The following CCNY variants were observed in gnomAD, a reference collection of about 807,000 sequenced individuals.
The protein encoded by CCNY is cyclin-Y.
A neutral mutation model predicts 42.8 loss-of-function variants in CCNY; 19 were observed. The ratio of observed to expected loss-of-function variants is 0.44; its 90% CI spans 0.31 to 0.65. The LOEUF is 0.65. Among genes scored for constraint, CCNY ranks in the 30% least tolerant of loss-of-function variants. The pLI, the probability that CCNY is intolerant of heterozygous loss-of-function variation, is 0.07. For missense variants in CCNY, 370 were observed against 437.3 expected (o/e 0.85, Z 1.37); for synonymous variants, 165 against 162.7 (o/e 1.01, Z -0.11).
chr10:35,352,790 G>A (rs1836455986), intron 1 of CCNY, among the ~76,000 whole-genome samples: 2 of 152,204 alleles, frequency 1.3e-5, no homozygotes, highest in Admixed American at 6.5e-5. Context: ...TAGCAAATGA[G>A]CGCTGCCTGA....
chr10:35,535,593 A>G (rs1340143558), intron 7 of CCNY, among the ~76,000 whole-genome samples: 1 of 152,140 alleles, frequency 6.6e-6, no homozygotes, highest in African/African-American at 2.4e-5. Flanking sequence ...CTCCTTGTAC[A>G]AGGGCTTTGC....
intron 1 of CCNY, among the ~76,000 whole-genome samples, chr10:35,359,383 T>C (rs113038133): frequency 0.01 from 1,587 of 152,374 alleles, 24 homozygotes; most frequent in African/African-American, 0.036. Flanking sequence ...CACTGGACTG[T>C]GGCAGATACT....
chr10:35,438,030 T>C (rs548168472), intron 1 of CCNY, among the ~76,000 whole-genome samples: 1 of 152,196 alleles, frequency 6.6e-6, no homozygotes, highest in African/African-American at 2.4e-5. Flanking sequence ...TCTTACCAGC[T>C]TCTGTGTGTC....
chr10:35,447,479 A>C (rs1464291601), intron 1 of CCNY, among the ~76,000 whole-genome samples: 2 of 152,178 alleles, frequency 1.3e-5, no homozygotes, highest in African/African-American at 4.8e-5. Context: ...TGGGGTGATT[A>C]TGACCATCAT....
intron 1 of CCNY, among the ~76,000 whole-genome samples, chr10:35,345,202 A>AT (rs1229220288): frequency 2.6e-5 from 4 of 152,192 alleles, no homozygotes; most frequent in African/African-American, 9.7e-5. Context: ...CAGTGTAAAA[A>AT]TGTTCCTATT....
intron 3 of CCNY, among the ~76,000 whole-genome samples, chr10:35,305,736 A>T (rs1658007094): frequency 1.3e-5 from 2 of 152,154 alleles, no homozygotes; most frequent in African/African-American, 2.4e-5. Context: ...GTAGATGTCC[A>T]TTTGGAAAAG....
chr10:35,482,731 C>T (rs925340848), intron 1 of CCNY, among the ~76,000 whole-genome samples: 37 of 142,512 alleles, frequency 2.6e-4, no homozygotes, highest in African/African-American at 9.0e-4. Context: ...TCTGATTTCT[C>T]AAGGGAAGCT....
intron 1 of CCNY, among the ~76,000 whole-genome samples, chr10:35,403,292 G>T (rs1004450511): frequency 1.3e-5 from 2 of 152,196 alleles, no homozygotes; most frequent in African/African-American, 4.8e-5. Context: ...GTTATGAAAT[G>T]ACGACAGAAA....
intron 1 of CCNY, among the ~76,000 whole-genome samples, chr10:35,465,905 A>AAGAGAGAGAGAGAGAGAGAGAG (rs56166429): frequency 1.3e-4 from 13 of 99,216 alleles, no homozygotes; most frequent in East Asian, 3.2e-4. Context: ...GGGTAGGGGG[A>AAGAGAGAGAGAGAGAGAGAGAG]AGAGAGAGAG....
chr10:35,469,833 C>T lies in CCNY; in HGVS notation c.155-13571C>T, dbSNP rs558235009. Among the ~76,000 whole-genome samples, 127 of 133,094 alleles carry T rather than the reference C, an allele frequency of 9.5e-4. 1 individual carries two copies. Among genetic ancestry groups the T allele is most frequent in the African/African-American group, 3.3e-3 (113 of 33,828 alleles). The allele number at this position is 133,094 out of a possible 152,430, so 87.3% of individuals were successfully genotyped here. A position where few individuals can be genotyped will look rare whatever the true frequency, so the allele number is the denominator to read the frequency against. ...ATGGAGAGATAGGGAGATGGAGAGACAGGGCGATGGAGAGACAGACAGGAA... is the reference window on the plus strand; with the variant it reads ...ATGGAGAGATAGGGAGATGGAGAGATAGGGCGATGGAGAGACAGACAGGAA... On this transcript the variant is annotated intron_variant, in intron 1 of 9. Coordinates refer to ENST00000374704, the MANE Select transcript of CCNY (RefSeq NM_145012.6).
intron 4 of CCNY, among the ~76,000 whole-genome samples, chr10:35,524,804 C>T (rs1182890725): frequency 6.6e-6 from 1 of 152,100 alleles, no homozygotes; most frequent in Admixed American, 6.5e-5. Flanking sequence ...TGTTTTTTTA[C>T]CTGTCCAGTT....
intron 1 of CCNY, among the ~76,000 whole-genome samples, chr10:35,452,577 T>C (rs1838941015): frequency 6.6e-6 from 1 of 152,204 alleles, no homozygotes; most frequent in Non-Finnish European, 1.5e-5. Context: ...TACTAGCCCC[T>C]TTTCCTTTCC....
intron 7 of CCNY, among the ~76,000 whole-genome samples, chr10:35,536,676 G>A (rs1177264927): frequency 1.3e-5 from 2 of 152,184 alleles, no homozygotes; most frequent in African/African-American, 4.8e-5. Flanking sequence ...AAAGAAACTG[G>A]TGGCATTTTG....
chr10:35,265,994 T>A (rs1431262028), intron 3 of CCNY, among the ~76,000 whole-genome samples: 1 of 152,144 alleles, frequency 6.6e-6, no homozygotes, highest in Non-Finnish European at 1.5e-5. Flanking sequence ...CTAAATGACA[T>A]AAGCCATCCC....
chr10:35,552,939 A>T, intron 7 of CCNY, 80 bp from the exon 8 acceptor site: 1 of 1,363,574 alleles, frequency 7.3e-7, no homozygotes. Flanking sequence ...GATGTAATAC[A>T]TATTTTAGCA....
At chr10:35,317,631 A>G (rs570272424) in intron 3 of CCNY, among the ~76,000 whole-genome samples, 6 of 152,236 alleles carry the variant, frequency 3.9e-5, no homozygotes, top group Non-Finnish European at 7.3e-5. Context: ...ATCTCTGAGC[A>G]TGGAAGAGAG....
At chr10:35,250,216 G>C (rs1184442508) in intron 2 of CCNY, among the ~76,000 whole-genome samples, 1 of 132,688 alleles carries the variant, frequency 7.5e-6, no homozygotes, top group African/African-American at 2.9e-5. Context: ...AAAAAAAGAA[G>C]TAGTCGGATG....
At chr10:35,269,536 C>T (rs1329176933) in intron 3 of CCNY, among the ~76,000 whole-genome samples, 1 of 151,376 alleles carries the variant, frequency 6.6e-6, no homozygotes, top group African/African-American at 2.4e-5. Flanking sequence ...AACTCCTGAC[C>T]TCAAGTGATC....
intron 1 of CCNY, chr10:35,248,003 C>A (rs181997526): frequency 6.6e-6 from 1 of 151,916 alleles, no homozygotes; most frequent in African/African-American, 2.4e-5. Flanking sequence ...GCAGAGCCAT[C>A]GGAAGGGGTG....
Sources: allele counts gnomAD v4.1 joint callset (sites outside exome capture counted in the v4.1 genomes callset), GRCh38; gene constraint gnomAD v4.1.1; transcripts MANE v1.5; gene names NCBI Gene and HGNC (gene_info 2026-07-23, HGNC 2026-07-21).